The following SV2B variants were observed in gnomAD, a reference collection of about 807,000 sequenced individuals.
SV2B encodes the protein solute carrier family 22 member B2.
A neutral mutation model predicts 73.9 loss-of-function variants in SV2B; 41 were observed. That is an observed-to-expected ratio of 0.56 (90% CI 0.43 to 0.72). SV2B has a LOEUF of 0.72. Ranked by LOEUF, SV2B falls within the 30% of genes least tolerant of loss-of-function variation. The pLI, the probability that SV2B is intolerant of heterozygous loss-of-function variation, is 0.00. For synonymous variants in SV2B, 314 were observed against 314.2 expected (o/e 1.00, Z 0.01); for missense variants, 764 against 857.8 (o/e 0.89, Z 1.37).
chr15:91,175,733 A>G lies in SV2B; in HGVS notation c.-391-50140A>G, dbSNP rs2044281455. Among the ~76,000 whole-genome samples the G allele has an allele frequency of 4.0e-5, 6 of 151,630 alleles. No homozygotes were observed. In the South Asian group the frequency reaches 8.3e-4, roughly 21 times the overall value. ...TATATATATATACATATATGTGACTATCTATTATAGATCTAATCTAATCTT... is the reference window on the plus strand; with the variant it reads ...TATATATATATACATATATGTGACTGTCTATTATAGATCTAATCTAATCTT... On this transcript the variant is annotated intron_variant, in intron 1 of 12. Coordinates refer to ENST00000394232, the MANE Select transcript of SV2B (RefSeq NM_001323032.3).
intron 2 of SV2B, among the ~76,000 whole-genome samples, chr15:91,228,405 C>G (rs754717362): frequency 1.3e-5 from 2 of 152,008 alleles, no homozygotes; most frequent in African/African-American, 4.8e-5. Flanking sequence ...AAGCAACCAA[C>G]AAACAACCAA....
At chr15:91,206,701 G>T (rs768220558) in intron 1 of SV2B, among the ~76,000 whole-genome samples, 1 of 152,078 alleles carries the variant, frequency 6.6e-6, no homozygotes, top group African/African-American at 2.4e-5. Flanking sequence ...GTTATCTTCT[G>T]GTTTGTTAGC....
chr15:91,237,404 C>T (rs1260240710), intron 2 of SV2B, among the ~76,000 whole-genome samples: 2 of 152,208 alleles, frequency 1.3e-5, no homozygotes, highest in Non-Finnish European at 2.9e-5. Context: ...TGCTAAATGT[C>T]CCCTGGGGGG....
chr15:91,247,773 C>G (rs1056357721), intron 2 of SV2B, among the ~76,000 whole-genome samples: 4 of 152,108 alleles, frequency 2.6e-5, no homozygotes, highest in African/African-American at 7.2e-5. Context: ...CTCTAGCGCC[C>G]TCTATTGGCA....
In SV2B at chr15:91,222,219, GTCTA is replaced by G. The variant is rs139199163; in HGVS notation, c.-391-3649_-391-3646del. Among the ~76,000 whole-genome samples the G allele has an allele frequency of 1.2e-3, 188 of 152,170 alleles. 3 individuals carry two copies. The highest frequency in any genetic ancestry group is 6.4e-3 in the East Asian group (33 of 5,172). ...GAACAAATATTTGTGGCCCTGTGTC[GTCTA>G]TCTAAGTTCTTCAGCCTCAGTCTTA... On this transcript the variant is annotated intron_variant, in intron 1 of 12. Coordinates refer to ENST00000394232, the MANE Select transcript of SV2B (RefSeq NM_001323032.3).
chr15:91,205,109 G>A (rs1487770841), intron 1 of SV2B, among the ~76,000 whole-genome samples: 1 of 152,146 alleles, frequency 6.6e-6, no homozygotes, highest in Non-Finnish European at 1.5e-5. Flanking sequence ...TTCTGCTGCT[G>A]TTTTTCCTCT....
chr15:91,274,288 A>G (rs1355395666), intron 9 of SV2B, among the ~76,000 whole-genome samples: 1 of 152,216 alleles, frequency 6.6e-6, no homozygotes, highest in Non-Finnish European at 1.5e-5. Flanking sequence ...TCTCACCAGT[A>G]GTATACGGTG....
chr15:91,210,065 G>C (rs2045799298), intron 1 of SV2B, among the ~76,000 whole-genome samples: 1 of 152,054 alleles, frequency 6.6e-6, no homozygotes, highest in African/African-American at 2.4e-5. Context: ...TGTCCAGGCA[G>C]GAGAGAACCA....
At position 91,128,855 on chromosome 15, in the gene SV2B, T is replaced by C. The variant is rs1286745876; in HGVS notation, c.-392+28492T>C. The C allele has an allele frequency of 6.6e-6, 1 of 152,254 alleles. No homozygotes were observed. Among genetic ancestry groups the C allele is most frequent in the Non-Finnish European group, 1.5e-5 (1 of 68,054 alleles). The allele number at this position is 152,254 out of a possible 1,614,324, so 9.4% of individuals were successfully genotyped here. ...TCACTTAGTCATGAGCACTAGATCC[T>C]ATCCTTTTTGTCCAATCATATTTCT... is the stretch of plus-strand genomic sequence containing the variant. On this transcript the variant is annotated intron_variant, in intron 1 of 12. Coordinates refer to ENST00000394232, the MANE Select transcript of SV2B (RefSeq NM_001323032.3). This position sits in a 1 kb window ranked among gnomAD's most constrained non-coding sequence, Gnocchi z 4.2.
At chr15:91,235,405 A>G (rs952063533) in intron 2 of SV2B, among the ~76,000 whole-genome samples, 2 of 152,088 alleles carry the variant, frequency 1.3e-5, no homozygotes, top group African/African-American at 4.8e-5. Flanking sequence ...AAAGCTTATG[A>G]GTAAATTCAC....
intron 1 of SV2B, among the ~76,000 whole-genome samples, chr15:91,206,034 T>A (rs1045688955): frequency 4.6e-5 from 7 of 151,924 alleles, no homozygotes; most frequent in African/African-American, 1.2e-4. Flanking sequence ...GTGGTGGTGG[T>A]TGTGGGTGGT....
chr15:91,139,044 A>G lies in SV2B; in HGVS notation c.-392+38681A>G, dbSNP rs545011229. The stretch of plus-strand genomic sequence containing the variant: ...GTGAACACTGATTGTATATTTAATG[A>G]TGTTACAAAATTATCACTTTTTAGG... On this transcript the variant is annotated intron_variant, in intron 1 of 12. Transcript: ENST00000394232. This position sits in a 1 kb window ranked among gnomAD's most constrained non-coding sequence, Gnocchi z 5.2. Among the ~76,000 whole-genome samples the G allele has an allele frequency of 3.3e-5, 5 of 152,358 alleles. No homozygotes were observed. The South Asian group carries it at 8.3e-4, about 25-fold the overall frequency.
intron 2 of SV2B, among the ~76,000 whole-genome samples, chr15:91,250,353 A>C (rs1374069269): frequency 6.6e-6 from 1 of 152,198 alleles, no homozygotes; most frequent in African/African-American, 2.4e-5. Flanking sequence ...TAGGTATAGA[A>C]GGCCACATAT....
chr15:91,145,223 T>G (rs2043113173), intron 1 of SV2B, among the ~76,000 whole-genome samples: 1 of 152,188 alleles, frequency 6.6e-6, no homozygotes, highest in South Asian at 2.1e-4. Context: ...CTCTCACTTA[T>G]AAGTGAGAAT....
chr15:91,191,672 CA>C (rs1308522805), intron 1 of SV2B, among the ~76,000 whole-genome samples: 1 of 152,134 alleles, frequency 6.6e-6, no homozygotes, highest in African/African-American at 2.4e-5. Context: ...CCATTTGAAA[CA>C]AATGTCTGGT....
intron 1 of SV2B, among the ~76,000 whole-genome samples, chr15:91,172,215 C>T (rs1382910462): frequency 1.3e-5 from 2 of 152,218 alleles, no homozygotes; most frequent in East Asian, 1.9e-4. Flanking sequence ...CTTCTCCTCC[C>T]CCTCTGCATC....
intron 2 of SV2B, among the ~76,000 whole-genome samples, chr15:91,250,844 A>G (rs1251612433): frequency 6.6e-6 from 1 of 152,218 alleles, no homozygotes; most frequent in African/African-American, 2.4e-5. Flanking sequence ...ATGTTTATGA[A>G]TAGAAAGAAT....
chr15:91,260,116 T>G (rs1177977423), intron 5 of SV2B, among the ~76,000 whole-genome samples: 1 of 152,216 alleles, frequency 6.6e-6, no homozygotes, highest in Non-Finnish European at 1.5e-5. Flanking sequence ...AACCTTATTA[T>G]CCTTGTAAGA....
In SV2B at chr15:91,265,296, G is replaced by A. The variant is rs188859833; in HGVS notation, c.1009-1286G>A. Among the ~76,000 whole-genome samples the A allele has an allele frequency of 3.8e-3, 576 of 152,322 alleles. No individual in the cohort carries two copies. The highest frequency in any genetic ancestry group is 6.1e-3 in the Non-Finnish European group (414 of 68,028). ...ACAGTGAAACCTTTGGAAGGAGAAGGAGTTGAAGCATTCGGCTGAGAACCC... is the reference window on the plus strand; with the variant it reads ...ACAGTGAAACCTTTGGAAGGAGAAGAAGTTGAAGCATTCGGCTGAGAACCC... On this transcript the variant is annotated intron_variant, in intron 6 of 12. Coordinates refer to ENST00000394232, the MANE Select transcript of SV2B (RefSeq NM_001323032.3). The surrounding 1 kb of genome is among the most constrained non-coding windows in gnomAD (Gnocchi z 4.2).
Sources: allele counts gnomAD v4.1 joint callset (sites outside exome capture counted in the v4.1 genomes callset), GRCh38; gene constraint gnomAD v4.1.1; non-coding constraint Gnocchi (gnomAD v3.1); transcripts MANE v1.5; gene names NCBI Gene and HGNC (gene_info 2026-07-23, HGNC 2026-07-21).